NUP93: variants seen among roughly 807,000 people sequenced by gnomAD.
The protein encoded by NUP93 is nuclear pore complex protein Nup93.
NUP93 carries 55 observed loss-of-function variants against 107.8 expected under a neutral mutation model. The ratio of observed to expected loss-of-function variants is 0.51; its 90% CI spans 0.41 to 0.64. The LOEUF is 0.64. Ranked by LOEUF, NUP93 falls within the 30% of genes least tolerant of loss-of-function variation. NUP93 has a pLI of 0.00. For synonymous variants in NUP93, 390 were observed against 397.5 expected, an observed-to-expected ratio of 0.98 and a Z score of 0.22; for missense variants, 937 against 1,044.7, an observed-to-expected ratio of 0.90 and a Z score of 1.42.
intron 1 of NUP93, among the ~76,000 whole-genome samples, chr16:56,746,406 T>C (rs548215649): frequency 6.6e-6 from 1 of 152,326 alleles, no homozygotes; most frequent in East Asian, 1.9e-4. Flanking sequence ...ACAATAAAGA[T>C]TGCGAATTAC....
chr16:56,759,240 G>A (rs1962082399), intron 3 of NUP93, among the ~76,000 whole-genome samples: 1 of 152,178 alleles, frequency 6.6e-6, no homozygotes, highest in Non-Finnish European at 1.5e-5. Context: ...AATTGTTAAG[G>A]AAAAAACTCA....
intron 3 of NUP93, among the ~76,000 whole-genome samples, chr16:56,765,853 T>C (rs1396231658): frequency 6.6e-6 from 1 of 152,242 alleles, no homozygotes; most frequent in Non-Finnish European, 1.5e-5. Context: ...CTAATGCTGA[T>C]CACAGTGGTA....
intron 3 of NUP93, among the ~76,000 whole-genome samples, chr16:56,759,518 A>G (rs1049250635): frequency 6.6e-6 from 1 of 152,150 alleles, no homozygotes; most frequent in African/African-American, 2.4e-5. Context: ...ACCTAAAACT[A>G]CTTTGAGTTG....
At chr16:56,738,575 A>G (rs1444299741) in intron 1 of NUP93, among the ~76,000 whole-genome samples, 8 of 152,188 alleles carry the variant, frequency 5.3e-5, no homozygotes, top group African/African-American at 1.9e-4. Context: ...ACTTAGTCTC[A>G]CAGGGCTGTA....
At chr16:56,791,351 T>G (rs1324329472) in intron 3 of NUP93, among the ~76,000 whole-genome samples, 1 of 152,220 alleles carries the variant, frequency 6.6e-6, no homozygotes, top group African/African-American at 2.4e-5. Flanking sequence ...GTCCAATCAC[T>G]TATCTGCTAT....
At chr16:56,737,259 AGTGTGT>A (rs1463435015) in intron 1 of NUP93, among the ~76,000 whole-genome samples, 6 of 152,206 alleles carry the variant, frequency 3.9e-5, no homozygotes, top group Non-Finnish European at 5.9e-5. Context: ...CTCGCTGCTC[AGTGTGT>A]AGTCAAGACC....
At chr16:56,831,725 C>G (rs143799282) in intron 10 of NUP93, 117 bp from the exon 11 acceptor site, 257 of 1,031,792 alleles carry the variant, frequency 2.5e-4, no homozygotes, top group Admixed American at 3.4e-4. Flanking sequence ...GTGTCTCTTA[C>G]CCCGGATGAA....
intron 2 of NUP93, among the ~76,000 whole-genome samples, chr16:56,749,191 T>A (rs1021022963): frequency 4.6e-5 from 7 of 151,982 alleles, no homozygotes; most frequent in Admixed American, 6.6e-5. Flanking sequence ...ATGTGGGGAG[T>A]GGGGCAGAAA....
Position 56,848,318 on chromosome 16 carries a change from GA to G in NUP93, c.*3711del, listed in dbSNP as rs1370271855. ...CCTTAGCCTCAGTCAGCTGGGAAAG[GA>G]ATTGAGCCCTGTGTCAGCAAATTGG... On this transcript the variant is annotated 3_prime_UTR_variant, in exon 22 of 22. Transcript: ENST00000308159. 18 of 152,204 alleles carry G rather than the reference GA, an allele frequency of 1.2e-4. No individual in the cohort carries two copies. Among genetic ancestry groups the G allele is most frequent in the African/African-American group, 4.1e-4 (17 of 41,456 alleles). The allele number at this position is 152,204 out of a possible 1,614,324, so 9.4% of individuals were successfully genotyped here.
rs1271512716 is a variant in NUP93, at chr16:56,845,232, G to A, written c.*623G>A. ...AGATAAAAGCATAGACCTAGAAAAA[G>A]CCTTAAGAAGGAAGGTTGCAAGTGC... On this transcript the variant is annotated 3_prime_UTR_variant, in exon 22 of 22. Coordinates refer to ENST00000308159, the MANE Select transcript of NUP93 (RefSeq NM_014669.5). The A allele has an allele frequency of 6.3e-6, 1 of 159,712 alleles. No homozygotes were observed. Among genetic ancestry groups the A allele is most frequent in the Non-Finnish European group, 1.4e-5 (1 of 72,512 alleles). The allele number at this position is 159,712 out of a possible 1,614,324, so 9.9% of individuals were successfully genotyped here.
intron 5 of NUP93, among the ~76,000 whole-genome samples, chr16:56,807,781 G>A (rs1963175456): frequency 1.3e-5 from 2 of 151,848 alleles, no homozygotes; most frequent in Non-Finnish European, 2.9e-5. Flanking sequence ...CCAGCATGTT[G>A]GGAGGCCAAG....
At chr16:56,743,456 A>G (rs1369423381) in intron 1 of NUP93, among the ~76,000 whole-genome samples, 2 of 152,126 alleles carry the variant, frequency 1.3e-5, no homozygotes, top group East Asian at 3.9e-4. Flanking sequence ...TAATTTGCTC[A>G]GCATCCTCTA....
chr16:56,804,992 T>C (rs1273427478), intron 4 of NUP93, among the ~76,000 whole-genome samples: 1 of 152,080 alleles, frequency 6.6e-6, no homozygotes, highest in East Asian at 1.9e-4. Flanking sequence ...CAAACAGTTG[T>C]CAGTAAGTTT....
chr16:56,800,698 C>A (rs1963001804), intron 4 of NUP93, among the ~76,000 whole-genome samples: 1 of 152,240 alleles, frequency 6.6e-6, no homozygotes, highest in Non-Finnish European at 1.5e-5. Flanking sequence ...TGCCAGTGTC[C>A]TGCTGAAATG....
chr16:56,740,201 C>T (rs1414825246), intron 1 of NUP93, among the ~76,000 whole-genome samples: 867 of 103,090 alleles, frequency 8.4e-3, no homozygotes, highest in East Asian at 0.023. Flanking sequence ...GGGTGGCTGC[C>T]GGGCGGAGAG....
chr16:56,767,370 A>T lies in NUP93; in HGVS notation c.297+8715A>T, dbSNP rs111369208. Among the ~76,000 whole-genome samples the T allele has an allele frequency of 4.5e-3, 682 of 152,354 alleles. 6 individuals carry two copies. The highest frequency in any genetic ancestry group is 0.016 in the African/African-American group (658 of 41,590). ...TCAGAAAGAACCCTTGTCTTATAAG[A>T]CATATTTGCAATGAAGACTAGACTA... is the stretch of plus-strand genomic sequence containing the variant. On this transcript the variant is annotated intron_variant, in intron 3 of 21. Coordinates refer to ENST00000308159, the MANE Select transcript of NUP93 (RefSeq NM_014669.5).
intron 1 of NUP93, among the ~76,000 whole-genome samples, chr16:56,739,516 CG>C (rs1961672473): frequency 4.0e-4 from 31 of 77,712 alleles, no homozygotes; most frequent in African/African-American, 1.2e-3. Flanking sequence ...GCTGGCCGGG[CG>C]GGGGGGCTGA....
chr16:56,829,933 C>T (rs773264519), intron 9 of NUP93, among the ~76,000 whole-genome samples: 2 of 152,236 alleles, frequency 1.3e-5, no homozygotes, highest in Non-Finnish European at 2.9e-5. Context: ...AAAGCAAAGA[C>T]AGAAGCGTAA....
intron 21 of NUP93, among the ~76,000 whole-genome samples, chr16:56,843,855 T>G (rs1418993346): frequency 6.6e-6 from 1 of 152,230 alleles, no homozygotes; most frequent in African/African-American, 2.4e-5. Flanking sequence ...GTGGTAGATT[T>G]CTCCCTTTCT....
Sources: allele counts gnomAD v4.1 joint callset (sites outside exome capture counted in the v4.1 genomes callset), GRCh38; gene constraint gnomAD v4.1.1; transcripts MANE v1.5; gene names NCBI Gene and HGNC (gene_info 2026-07-23, HGNC 2026-07-21).